Variants in MAGI3 observed in about 807,000 individuals in gnomAD.
The protein encoded by MAGI3 is membrane associated guanylate kinase, WW and PDZ domain containing 3.
In MAGI3, 43 loss-of-function variants were observed where a neutral mutation model predicts 121.8. The ratio of observed to expected loss-of-function variants is 0.35; its 90% CI spans 0.28 to 0.46. MAGI3 has a LOEUF of 0.46. MAGI3 is among the 20% of genes least tolerant of loss of function. The pLI is 1.00. For missense variants in MAGI3, 1,547 were observed against 1,797.3 expected (o/e 0.86, Z 2.52); for synonymous variants, 553 against 639.3 (o/e 0.86, Z 2.04).
At chr1:113,672,775 T>C (rs1465816621) in intron 18 of MAGI3, 34 bp downstream of exon 18, 5 of 1,584,800 alleles carry the variant, frequency 3.2e-6, no homozygotes, top group African/African-American at 2.7e-5. Flanking sequence ...GGGAGTGATA[T>C]TTTGAGTTGC....
intron 2 of MAGI3, among the ~76,000 whole-genome samples, chr1:113,564,602 G>T (rs558760509): frequency 6.6e-6 from 1 of 152,132 alleles, no homozygotes; most frequent in African/African-American, 2.4e-5. Flanking sequence ...GGGCATGTTG[G>T]CTCACACCTG....
chr1:113,530,514 G>A (rs1658658563), intron 1 of MAGI3, among the ~76,000 whole-genome samples: 2 of 151,590 alleles, frequency 1.3e-5, no homozygotes, highest in South Asian at 4.2e-4. Flanking sequence ...TTATTACCTG[G>A]GTGACCAAAT....
At chr1:113,485,321 T>C (rs886249984) in intron 1 of MAGI3, among the ~76,000 whole-genome samples, 1 of 152,216 alleles carries the variant, frequency 6.6e-6, no homozygotes, top group African/African-American at 2.4e-5. Context: ...CAACATCTAT[T>C]ATTTTTTGAT....
intron 1 of MAGI3, among the ~76,000 whole-genome samples, chr1:113,393,176 A>G (rs1036918617): frequency 9.8e-5 from 15 of 152,328 alleles, no homozygotes; most frequent in African/African-American, 3.4e-4. Context: ...TTCAAGATTT[A>G]GAGCATTAGT....
At chr1:113,506,054 G>A (rs1368594365) in intron 1 of MAGI3, among the ~76,000 whole-genome samples, 1 of 152,118 alleles carries the variant, frequency 6.6e-6, no homozygotes, top group East Asian at 1.9e-4. Context: ...ATTGATTATA[G>A]GGTATAAGAG....
intron 2 of MAGI3, among the ~76,000 whole-genome samples, chr1:113,550,540 G>C (rs1659735504): frequency 1.3e-5 from 2 of 151,872 alleles, no homozygotes; most frequent in Admixed American, 6.6e-5. Context: ...CAGATCACCT[G>C]AGGTCAGGAG....
intron 1 of MAGI3, among the ~76,000 whole-genome samples, chr1:113,434,928 T>G (rs919825184): frequency 6.6e-6 from 1 of 152,316 alleles, no homozygotes; most frequent in African/African-American, 2.4e-5. Flanking sequence ...CCAAACCATT[T>G]TTTATCCATG....
At chr1:113,549,487 C>A in intron 1 of MAGI3, 28 bp from the exon 2 acceptor site, 1 of 1,156,840 alleles carries the variant, frequency 8.6e-7, no homozygotes, top group Non-Finnish European at 1.3e-6. Context: ...CATTTATTTT[C>A]TGTTTTTTTT....
chr1:113,450,248 A>G (rs1164307039), intron 1 of MAGI3: 2 of 1,602,234 alleles, frequency 1.2e-6, no homozygotes, highest in Non-Finnish European at 1.7e-6. Context: ...TCTAAACAAG[A>G]GATGCAGTCT....
intron 1 of MAGI3, among the ~76,000 whole-genome samples, chr1:113,460,060 A>G (rs977005102): frequency 2.0e-5 from 3 of 152,236 alleles, no homozygotes; most frequent in African/African-American, 7.2e-5. Flanking sequence ...CACATAAAAA[A>G]GGTAATCCAC....
chr1:113,633,237 C>CTT (rs1359169220), intron 9 of MAGI3, among the ~76,000 whole-genome samples: 4 of 91,956 alleles, frequency 4.3e-5, no homozygotes, highest in African/African-American at 1.2e-4. Context: ...ATGAACTCAT[C>CTT]ATTTTTTTTT....
intron 3 of MAGI3, among the ~76,000 whole-genome samples, chr1:113,582,012 A>ATATAAGAGCTTGGTATGGACGAAGTG (rs2101721496): frequency 6.6e-6 from 1 of 152,180 alleles, no homozygotes; most frequent in African/African-American, 2.4e-5. Flanking sequence ...CTTCCACTAA[A>ATATAAGAGCTTGGTATGGACGAAGTG]TATAAGAGCT....
intron 1 of MAGI3, among the ~76,000 whole-genome samples, chr1:113,482,859 G>A (rs1280073136): frequency 6.6e-6 from 1 of 151,300 alleles, no homozygotes; most frequent in African/African-American, 2.4e-5. Flanking sequence ...AGGTTGGAAT[G>A]CAGTGGCATG....
chr1:113,602,165 A>G (rs1458955119), intron 6 of MAGI3, among the ~76,000 whole-genome samples: 1 of 152,094 alleles, frequency 6.6e-6, no homozygotes, highest in Non-Finnish European at 1.5e-5. Flanking sequence ...TGTCACATGT[A>G]TACATATGTA....
intron 9 of MAGI3, among the ~76,000 whole-genome samples, chr1:113,636,585 C>G (rs1192555534): frequency 1.3e-5 from 2 of 152,030 alleles, no homozygotes; most frequent in Non-Finnish European, 2.9e-5. Context: ...GCACTGTGGT[C>G]TGAGAGACAG....
intron 1 of MAGI3, among the ~76,000 whole-genome samples, chr1:113,421,915 C>T (rs1199174662): frequency 6.7e-6 from 1 of 150,150 alleles, no homozygotes; most frequent in African/African-American, 2.5e-5. Flanking sequence ...TACTGATTGT[C>T]TGATGTGGAA....
intron 1 of MAGI3, among the ~76,000 whole-genome samples, chr1:113,433,409 T>C (rs1028211538): frequency 1.3e-5 from 2 of 152,230 alleles, no homozygotes; most frequent in African/African-American, 4.8e-5. Context: ...ATAAATTTGC[T>C]GGTGCAGGTC....
chr1:113,461,056 C>G (rs1466677131), intron 1 of MAGI3, among the ~76,000 whole-genome samples: 1 of 151,992 alleles, frequency 6.6e-6, no homozygotes, highest in Non-Finnish European at 1.5e-5. Context: ...ATGAAAATTA[C>G]AAAACACTCC....
At chr1:113,673,152 T>C (rs983589836) in intron 18 of MAGI3, among the ~76,000 whole-genome samples, 170 bp from the exon 19 acceptor site, 1 of 152,242 alleles carries the variant, frequency 6.6e-6, no homozygotes, top group South Asian at 2.1e-4. Context: ...TTAGGCTGCA[T>C]TTATAAAAAT....
Sources: gnomAD v4.1 joint callset for allele counts (sites outside exome capture counted in the v4.1 genomes callset) on GRCh38, gnomAD v4.1.1 for gene constraint, MANE v1.5 for transcripts, NCBI Gene and HGNC (gene_info 2026-07-23, HGNC 2026-07-21) for gene names.